The following SSB variants were observed in gnomAD, a reference collection of about 807,000 sequenced individuals.
SSB encodes lupus La protein.
Under a neutral mutation model 52.9 loss-of-function variants are expected in SSB, and 17 were observed. That is an observed-to-expected ratio of 0.32 (90% confidence interval 0.22 to 0.48). The LOEUF (loss-of-function observed/expected upper bound fraction) is 0.48. Ranked by LOEUF, SSB falls within the 20% of genes least tolerant of loss-of-function variation. SSB has a pLI of 0.99. For missense variants in SSB, 314 were observed against 463.6 expected (o/e 0.68, Z 2.96); for synonymous variants, 111 against 152.1 (o/e 0.73, Z 1.99).
rs372274870 is a variant in SSB, at chr2:169,805,653, T to C, written c.171-12T>C. The C allele has an allele frequency of 1.4e-5, 23 of 1,613,354 alleles. No homozygotes were observed. Among genetic ancestry groups the C allele is most frequent in the Non-Finnish European group, 1.6e-5 (19 of 1,179,758 alleles). Reference sequence around the variant, plus strand: ...TACTGCTGAGTCTTATGTTTTTATATGTACTCTTCAGGTTGAACCGTCTAA... The same window carrying C: ...TACTGCTGAGTCTTATGTTTTTATACGTACTCTTCAGGTTGAACCGTCTAA... On this transcript the variant is annotated splice_polypyrimidine_tract_variant and intron_variant, in intron 3 of 11. Coordinates refer to ENST00000260956, the MANE Select transcript of SSB (RefSeq NM_003142.5).
chr2:169,805,858 C>A lies in SSB; in HGVS notation c.345+19C>A. The A allele has an allele frequency of 6.3e-7, 1 of 1,595,734 alleles. No individual in the cohort carries two copies. The highest frequency in any genetic ancestry group is 8.6e-7 in the Non-Finnish European group (1 of 1,168,516). On this transcript the variant is annotated intron_variant, in intron 4 of 11. Coordinates refer to ENST00000260956, the MANE Select transcript of SSB (RefSeq NM_003142.5). ...TTATATTGTAAGTGGGCCTGTAATG[C>A]ATTTAAATATCTTACATTTATTTAG...
chr2:169,803,062 A>G (rs1689744707), intron 2 of SSB, among the ~76,000 whole-genome samples: 1 of 152,244 alleles, frequency 6.6e-6, no homozygotes. Context: ...CATTTAAAAA[A>G]CACTGATAAT....
intron 1 of SSB, 86 bp from the exon 2 acceptor site, chr2:169,800,866 G>A (rs1279394837): frequency 4.2e-6 from 4 of 946,200 alleles, no homozygotes; most frequent in Non-Finnish European, 5.9e-6. Context: ...TAAGAAAACG[G>A]GATATTAATA....
In SSB at chr2:169,804,805, C is replaced by T. The variant is rs573205021; in HGVS notation, c.67-669C>T. Reference sequence around the variant, plus strand: ...CCAAAGTGCAGGGATTACAGGCGTGCGGCACCGTGCCTGGCCCCGTCCCTT... The same window carrying T: ...CCAAAGTGCAGGGATTACAGGCGTGTGGCACCGTGCCTGGCCCCGTCCCTT... On this transcript the variant is annotated intron_variant, in intron 2 of 11. Coordinates refer to ENST00000260956, the MANE Select transcript of SSB (RefSeq NM_003142.5). 3.0e-5 allele frequency among the ~76,000 whole-genome samples: 4 copies of T among 134,788 alleles called. No homozygotes were observed. In the South Asian group the frequency reaches 1.1e-3, roughly 36 times the overall value. 88.4% of individuals were successfully genotyped at this position (134,788 alleles called of 152,430 possible). A position where few individuals can be genotyped will look rare whatever the true frequency, so the allele number is the denominator to read the frequency against.
At position 169,810,967 on chromosome 2, in the gene SSB, A is replaced by G. The variant is rs533896111; in HGVS notation, c.920A>G (p.Glu307Gly). Residue 307 changes from glutamate (E) to glycine (G), a missense_variant, in exon 10 of 12, where the codon GAA becomes GGA. Transcript: ENST00000260956. ...RNKEVTWEVL[E>G]GEVEKEALKK... ...AAAGAAGTGACTTGGGAAGTACTAG[A>G]AGGAGAGGTGGAAAAAGAAGCACTG... 2 of 1,613,698 alleles carry G rather than the reference A, an allele frequency of 1.2e-6. No homozygotes were observed. Among genetic ancestry groups the G allele is most frequent in the South Asian group, 2.2e-5 (2 of 90,998 alleles).
In SSB at chr2:169,805,490, T is replaced by A; in HGVS notation, c.83T>A (p.Phe28Tyr). The A allele has an allele frequency of 6.2e-7, 1 of 1,613,196 alleles. No homozygotes were observed. The highest frequency in any genetic ancestry group is 8.5e-7 in the Non-Finnish European group (1 of 1,179,874). ...ATCTCACAGTATTATTTTGGCGACT[T>A]CAATTTGCCACGGGACAAGTTTCTA... ...CHQIEYYFGD[F>Y]NLPRDKFLKE... The change falls in exon 3 of 12, where the codon TTC becomes TAC. Residue 28 changes from phenylalanine to tyrosine, a missense_variant. Coordinates refer to ENST00000260956, the MANE Select transcript of SSB (RefSeq NM_003142.5).
chr2:169,809,042 T>A, intron 8 of SSB, 140 bp downstream of exon 8: 1 of 727,974 alleles, frequency 1.4e-6, no homozygotes, highest in Non-Finnish European at 2.5e-6. Flanking sequence ...CATCAGGTAT[T>A]ATATTGAGGG....
At position 169,807,057 on chromosome 2, in the gene SSB, G is replaced by C. The variant is rs781552255; in HGVS notation, c.540G>C (p.Leu180=). The change falls in exon 6 of 12, where the codon CTG becomes CTC. Residue 180 remains leucine, a synonymous_variant. Transcript: ENST00000260956. ...TPGQKYKETD[L]LILFKDDYFA... ...GCCAGAAGTACAAAGAAACAGACCT[G>C]CTAATACTTTTCAAGTAAGTCTTTT... 1 of 1,613,638 alleles carries C rather than the reference G, an allele frequency of 6.2e-7. No homozygotes were observed. Among genetic ancestry groups the C allele is most frequent in the South Asian group, 1.1e-5 (1 of 91,008 alleles).
At position 169,805,643 on chromosome 2, in the gene SSB, T is replaced by C. The variant is rs202137537; in HGVS notation, c.171-22T>C. On this transcript the variant is annotated intron_variant, in intron 3 of 11. Transcript: ENST00000260956. Reference sequence around the variant, plus strand: ...CAATGAGTGCTACTGCTGAGTCTTATGTTTTTATATGTACTCTTCAGGTTG... The same window carrying C: ...CAATGAGTGCTACTGCTGAGTCTTACGTTTTTATATGTACTCTTCAGGTTG... The C allele has an allele frequency of 6.8e-6, 11 of 1,612,942 alleles. No homozygotes were observed. The Admixed American group carries it at 8.4e-5, about 12-fold the overall frequency.
At chr2:169,804,291 C>G (rs547604189) in intron 2 of SSB, among the ~76,000 whole-genome samples, 54 of 134,734 alleles carry the variant, frequency 4.0e-4, no homozygotes, top group African/African-American at 1.4e-3. Flanking sequence ...GTTGCCCAGG[C>G]TGGAGTACAG....
intron 2 of SSB, among the ~76,000 whole-genome samples, 189 bp downstream of exon 2, chr2:169,801,215 A>G (rs1689705718): frequency 6.6e-6 from 1 of 151,946 alleles, no homozygotes; most frequent in African/African-American, 2.4e-5. Flanking sequence ...AAACATTTCA[A>G]AAGGTAACAC....
At chr2:169,801,373 A>G (rs1198328484) in intron 2 of SSB, among the ~76,000 whole-genome samples, 1 of 152,228 alleles carries the variant, frequency 6.6e-6, no homozygotes, top group South Asian at 2.1e-4. Context: ...AATGTTAAGT[A>G]CTTAGAAGAA....
chr2:169,802,815 C>A (rs1257951504), intron 2 of SSB, among the ~76,000 whole-genome samples: 1 of 152,196 alleles, frequency 6.6e-6, no homozygotes, highest in Admixed American at 6.5e-5. Context: ...TGGTACATTT[C>A]TAACAATTTT....
chr2:169,807,182 A>AG (rs1404848813), intron 6 of SSB, 111 bp downstream of exon 6: 1 of 798,650 alleles, frequency 1.3e-6, no homozygotes, highest in African/African-American at 1.7e-5. Context: ...TAGTATCTTT[A>AG]GATGACCTTT....
chr2:169,805,300 CATTTT>C (rs911224491), intron 2 of SSB, among the ~76,000 whole-genome samples, 169 bp from the exon 3 acceptor site: 1 of 152,134 alleles, frequency 6.6e-6, no homozygotes, highest in Non-Finnish European at 1.5e-5. Flanking sequence ...TAGTAATTGA[CATTTT>C]AGTTTTATCT....
rs934928050 is a variant in SSB at position 169,808,412 on chromosome 2, G to A, written c.555-70G>A. The A allele has an allele frequency of 1.2e-5, 15 of 1,246,444 alleles. No homozygotes were observed. The Admixed American group carries it at 2.2e-4, about 19-fold the overall frequency. 77.2% of individuals were successfully genotyped at this position (1,246,444 alleles called of 1,614,324 possible). A position where few individuals can be genotyped will look rare whatever the true frequency, so the allele number is the denominator to read the frequency against. On this transcript the variant is annotated intron_variant, in intron 6 of 11. Coordinates refer to ENST00000260956, the MANE Select transcript of SSB (RefSeq NM_003142.5). ...CATTCATTGCTGTGCCATGTCTTAA[G>A]TTATTCAAAATAATCTGCAGTCTTA... is the stretch of plus-strand genomic sequence containing the variant.
At chr2:169,809,992 T>C (rs1342931026) in intron 8 of SSB, 1 of 176,564 alleles carries the variant, frequency 5.7e-6, no homozygotes, top group African/African-American at 2.4e-5. Flanking sequence ...TTTATGTAGT[T>C]TATAACTAAT....
Position 169,810,893 on chromosome 2 carries a change from A to G in SSB, c.846A>G (p.Ala282=). 6.2e-7 allele frequency: 1 copy of G among 1,612,382 alleles called. No homozygotes were observed. The change falls in exon 10 of 12, where the codon GCA becomes GCG. Residue 282 remains alanine, a synonymous_variant. Coordinates refer to ENST00000260956, the MANE Select transcript of SSB (RefSeq NM_003142.5). ...TATTTAAAGAAAAAGCCAAGGAAGC[A>G]TTGGGTAAAGCCAAAGATGCAAATA... ...IILFKEKAKE[A]LGKAKDANNG...
Position 169,811,183 on chromosome 2 carries a change from G to T in SSB, c.998G>T (p.Gly333Val). Residue 333 changes from glycine to valine, a missense_variant and splice_region_variant, in exon 11 of 12, where the codon GGT becomes GTT. By Grantham distance (109) the Gly-to-Val change is moderately radical. Transcript: ENST00000260956. ...QESLNKWKSK[G>V]RRFKGKGKGN... is the part of the protein sequence containing the mutation. ...AGAGTGCTCAATTGTGTCTCTACAGGTCGTAGATTTAAAGGAAAAGGAAAG... is the reference window on the plus strand; with the variant it reads ...AGAGTGCTCAATTGTGTCTCTACAGTTCGTAGATTTAAAGGAAAAGGAAAG... 1.2e-6 allele frequency: 2 copies of T among 1,608,382 alleles called. No homozygotes were observed. The highest frequency in any genetic ancestry group is 1.7e-6 in the Non-Finnish European group (2 of 1,178,802).
Sources: allele counts gnomAD v4.1 joint callset (sites outside exome capture counted in the v4.1 genomes callset), GRCh38; gene constraint gnomAD v4.1.1; transcripts MANE v1.5; gene names NCBI Gene and HGNC (gene_info 2026-07-23, HGNC 2026-07-21).